The following DAPK1 variants were observed in gnomAD, a reference collection of about 807,000 sequenced individuals.
DAPK1 encodes the protein death-associated protein kinase 1.
Under a neutral mutation model 144.9 loss-of-function variants are expected in DAPK1, and 56 were observed. The ratio of observed to expected loss-of-function variants is 0.39; its 90% confidence interval spans 0.31 to 0.48. The LOEUF (loss-of-function observed/expected upper bound fraction) is 0.48, where lower values mean the gene tolerates loss of function less well. Among genes scored for constraint, DAPK1 ranks in the 20% least tolerant of loss-of-function variants. DAPK1 has a pLI of 0.95. For missense variants in DAPK1, 1,454 were observed against 1,875.4 expected, an observed-to-expected ratio of 0.78 and a Z score of 4.15; for synonymous variants, 690 against 749.0, an observed-to-expected ratio of 0.92 and a Z score of 1.29.
rs1476766201 is a variant in DAPK1 at position 87,707,994 on chromosome 9, C to T, written c.*630C>T. On this transcript the variant is annotated 3_prime_UTR_variant, in exon 26 of 26. Transcript: ENST00000408954. The surrounding 1 kb of genome is among the most constrained non-coding windows in gnomAD (Gnocchi z 4.0). ...CTGTCCCTTGCTGTATGCTGATCAT[C>T]GCCAGAGGTGCTTCACCCTGAGTTT... 1 of 361,320 alleles carries T rather than the reference C, an allele frequency of 2.8e-6. No individual in the cohort carries two copies. The highest frequency in any genetic ancestry group is 8.2e-5 in the East Asian group (1 of 12,194). 22.4% of individuals were successfully genotyped at this position (361,320 alleles called of 1,614,324 possible).
intron 2 of DAPK1, among the ~76,000 whole-genome samples, chr9:87,598,902 ATGT>A (rs918972462): frequency 7.2e-5 from 11 of 152,234 alleles, no homozygotes; most frequent in Admixed American, 2.0e-4. Context: ...ATTCACAAAC[ATGT>A]TGTACTTTTA....
At chr9:87,629,069 CCTCAGAATGTGTGAT>C (rs1460521752) in intron 3 of DAPK1, among the ~76,000 whole-genome samples, 3 of 152,188 alleles carry the variant, frequency 2.0e-5, no homozygotes, top group Non-Finnish European at 4.4e-5. Flanking sequence ...ACCTCCAGGA[CCTCAGAATGTGTGAT>C]CTTCTTTGGA....
chr9:87,588,863 T>A (rs957131205), intron 2 of DAPK1, among the ~76,000 whole-genome samples: 2 of 150,060 alleles, frequency 1.3e-5, no homozygotes, highest in Non-Finnish European at 3.0e-5. Flanking sequence ...ATGAGAACCA[T>A]CCAGATTAGT....
At chr9:87,641,199 G>A (rs1830081499) in intron 9 of DAPK1, among the ~76,000 whole-genome samples, 2 of 152,186 alleles carry the variant, frequency 1.3e-5, no homozygotes, top group Admixed American at 1.3e-4. Flanking sequence ...GCTTCTCTTG[G>A]GAAATCTGAA....
intron 2 of DAPK1, among the ~76,000 whole-genome samples, chr9:87,592,791 T>G (rs572352725): frequency 2.0e-5 from 3 of 152,026 alleles, no homozygotes; most frequent in African/African-American, 7.2e-5. Context: ...TTTTAACTTA[T>G]CATCTTTCAG....
At chr9:87,667,062 A>T (rs977475858) in intron 18 of DAPK1, among the ~76,000 whole-genome samples, 29 of 152,170 alleles carry the variant, frequency 1.9e-4, no homozygotes, top group African/African-American at 7.0e-4. Context: ...GGGCGACAGG[A>T]TATTTTCAAG....
intron 20 of DAPK1, among the ~76,000 whole-genome samples, chr9:87,683,772 G>A (rs1177819245): frequency 6.6e-6 from 1 of 152,190 alleles, no homozygotes; most frequent in Non-Finnish European, 1.5e-5. Context: ...CTTTAGCCAG[G>A]GATCGGGGAG....
At chr9:87,641,440 G>T (rs1449674839) in intron 9 of DAPK1, among the ~76,000 whole-genome samples, 1 of 152,138 alleles carries the variant, frequency 6.6e-6, no homozygotes, top group East Asian at 1.9e-4. Flanking sequence ...ACAGAATCAG[G>T]CTCTGGGGGC....
rs755701609 is a variant in DAPK1, at chr9:87,706,874, TGAC to T, written c.3804_3806del (p.Thr1269del). On this transcript the variant is annotated inframe_deletion, in exon 26 of 26. Transcript: ENST00000408954. This position sits in a 1 kb window ranked among gnomAD's most constrained non-coding sequence, Gnocchi z 9.0. ...GCACAGACTCTGAAGGAAACCTCAC[TGAC>T]CAACACCATGGGGGGGTACAAGGAA... The T allele has an allele frequency of 6.2e-7, 1 of 1,614,016 alleles. No homozygotes were observed. The highest frequency in any genetic ancestry group is 8.5e-7 in the Non-Finnish European group (1 of 1,180,014).
intron 2 of DAPK1, among the ~76,000 whole-genome samples, chr9:87,550,783 G>A (rs533674800): frequency 6.6e-6 from 1 of 152,330 alleles, no homozygotes; most frequent in Non-Finnish European, 1.5e-5. Flanking sequence ...TTACTGCCGA[G>A]TAGTGCTCCA....
At chr9:87,590,164 C>T (rs753977537) in intron 2 of DAPK1, among the ~76,000 whole-genome samples, 6 of 152,016 alleles carry the variant, frequency 3.9e-5, no homozygotes, top group South Asian at 4.1e-4. Flanking sequence ...TATGGCTTCA[C>T]GCATTAGTAT....
chr9:87,589,980 A>T (rs1396406333), intron 2 of DAPK1, among the ~76,000 whole-genome samples: 3 of 152,188 alleles, frequency 2.0e-5, no homozygotes, highest in Non-Finnish European at 4.4e-5. Flanking sequence ...ATCCGTTTCC[A>T]TTCTACTTTT....
chr9:87,705,354 T>G (rs1227700709), intron 25 of DAPK1, among the ~76,000 whole-genome samples: 1 of 151,008 alleles, frequency 6.6e-6, no homozygotes, highest in East Asian at 2.0e-4. Flanking sequence ...TGATTCTGCC[T>G]CAGCCTACAG....
intron 2 of DAPK1, among the ~76,000 whole-genome samples, chr9:87,574,527 G>A (rs1015504622): frequency 2.6e-5 from 4 of 152,188 alleles, no homozygotes; most frequent in African/African-American, 9.7e-5. Flanking sequence ...CTGGCCCTTA[G>A]AGGTGATATT....
intron 3 of DAPK1, among the ~76,000 whole-genome samples, chr9:87,614,538 T>A (rs973931464): frequency 1.3e-5 from 2 of 152,172 alleles, no homozygotes; most frequent in African/African-American, 2.4e-5. Context: ...TCCTGCAAAT[T>A]GTTCATACTT....
At chr9:87,578,013 A>G (rs1827625635) in intron 2 of DAPK1, among the ~76,000 whole-genome samples, 1 of 151,928 alleles carries the variant, frequency 6.6e-6, no homozygotes, top group Non-Finnish European at 1.5e-5. Flanking sequence ...AGGCCATAGA[A>G]CATTTCCATT....
intron 20 of DAPK1, 161 bp downstream of exon 20, chr9:87,681,787 G>T: frequency 1.5e-6 from 1 of 649,180 alleles, no homozygotes; most frequent in South Asian, 1.7e-5. Context: ...TGGTAGCCTT[G>T]TGTGTGCTGC....
At chr9:87,533,431 G>A (rs1387160041) in intron 2 of DAPK1, among the ~76,000 whole-genome samples, 1 of 152,180 alleles carries the variant, frequency 6.6e-6, no homozygotes, top group Non-Finnish European at 1.5e-5. Context: ...GCATCAGCCA[G>A]GTGCACAGGT....
chr9:87,528,828 C>T (rs13297318), intron 2 of DAPK1, among the ~76,000 whole-genome samples: 27 of 147,836 alleles, frequency 1.8e-4, no homozygotes, highest in African/African-American at 5.0e-4. Flanking sequence ...ACCGAGATCG[C>T]GCCACTGCAC....
Sources: allele counts gnomAD v4.1 joint callset (sites outside exome capture counted in the v4.1 genomes callset), GRCh38; gene constraint gnomAD v4.1.1; non-coding constraint Gnocchi (gnomAD v3.1); transcripts MANE v1.5; gene names NCBI Gene and HGNC (gene_info 2026-07-23, HGNC 2026-07-21).